PIK3C3: variants seen among roughly 807,000 people sequenced by gnomAD.
PIK3C3 encodes the protein PI3-kinase type 3.
PIK3C3 carries 95 observed loss-of-function variants against 126.1 expected under a neutral mutation model. The ratio of observed to expected loss-of-function variants is 0.75; its 90% CI spans 0.64 to 0.89. The LOEUF (loss-of-function observed/expected upper bound fraction) is 0.89. Among genes scored for constraint, PIK3C3 ranks in the 40% least tolerant of loss-of-function variants. PIK3C3 has a pLI of 0.00. For missense variants in PIK3C3, 829 were observed against 1,063.2 expected (o/e 0.78, Z 3.06); for synonymous variants, 374 against 360.0 (o/e 1.04, Z -0.44).
chr18:42,014,316 C>T (rs1052851298), intron 11 of PIK3C3, among the ~76,000 whole-genome samples: 2 of 151,226 alleles, frequency 1.3e-5, no homozygotes, highest in African/African-American at 4.9e-5. Flanking sequence ...ACTGTTTACA[C>T]CTCTTTAGTA....
chr18:42,083,559 T>C lies in PIK3C3; in HGVS notation c.*2422T>C, dbSNP rs1986323259. The C allele has an allele frequency of 6.6e-6, 1 of 152,162 alleles. No individual in the cohort carries two copies. Among genetic ancestry groups the C allele is most frequent in the South Asian group, 2.1e-4 (1 of 4,836 alleles). 9.4% of individuals were successfully genotyped at this position (152,162 alleles called of 1,614,324 possible). Reference sequence around the variant, plus strand: ...GAGTTAGCAAAAATCATTCTCCATATGATAGTTTTAGATGTTCCCCAGCTC... The same window carrying C: ...GAGTTAGCAAAAATCATTCTCCATACGATAGTTTTAGATGTTCCCCAGCTC... On this transcript the variant is annotated 3_prime_UTR_variant, in exon 25 of 25. Transcript: ENST00000262039.
At chr18:41,978,114 A>G (rs1001170877) in intron 4 of PIK3C3, among the ~76,000 whole-genome samples, 5 of 152,040 alleles carry the variant, frequency 3.3e-5, no homozygotes, top group Admixed American at 1.3e-4. Context: ...GTGCACCACC[A>G]TGTTTGAATA....
chr18:41,977,286 G>A (rs952910149), intron 4 of PIK3C3, among the ~76,000 whole-genome samples: 8 of 152,144 alleles, frequency 5.3e-5, no homozygotes, highest in Non-Finnish European at 1.2e-4. Flanking sequence ...ATCATAGTCA[G>A]TGCAACCTCA....
intron 16 of PIK3C3, among the ~76,000 whole-genome samples, chr18:42,034,738 A>G (rs1983972955): frequency 1.3e-5 from 2 of 152,200 alleles, no homozygotes; most frequent in South Asian, 2.1e-4. Flanking sequence ...TTTGTGAGAC[A>G]TGGTGCTTTA....
chr18:42,025,051 A>G (rs1299867922), intron 13 of PIK3C3, among the ~76,000 whole-genome samples: 1 of 151,818 alleles, frequency 6.6e-6, no homozygotes, highest in Non-Finnish European at 1.5e-5. Flanking sequence ...TGACCTCATG[A>G]TCCGCCCACC....
intron 6 of PIK3C3, among the ~76,000 whole-genome samples, chr18:41,992,830 A>G (rs1981843637): frequency 6.6e-6 from 1 of 152,150 alleles, no homozygotes; most frequent in Non-Finnish European, 1.5e-5. Context: ...GATCTCCATT[A>G]TGATACCTTG....
chr18:42,013,386 C>A, intron 10 of PIK3C3, 56 bp from the exon 11 acceptor site: 1 of 961,646 alleles, frequency 1.0e-6, no homozygotes, highest in South Asian at 1.7e-5. Context: ...TAAATTATGT[C>A]TGTAATAATT....
At chr18:42,032,054 A>G (rs1302252071) in intron 15 of PIK3C3, among the ~76,000 whole-genome samples, 1 of 152,260 alleles carries the variant, frequency 6.6e-6, no homozygotes, top group Non-Finnish European at 1.5e-5. Context: ...GTCCAGTAGT[A>G]AGGCAGTGTT....
chr18:42,027,415 C>T (rs1983619577), intron 13 of PIK3C3, 28 bp from the exon 14 acceptor site: 2 of 1,318,636 alleles, frequency 1.5e-6, no homozygotes, highest in East Asian at 4.8e-5. Context: ...CATTTCACAT[C>T]ACATGAATGG....
chr18:42,027,843 C>T lies in PIK3C3; in HGVS notation c.1590+295C>T, dbSNP rs181126255. On this transcript the variant is annotated intron_variant, in intron 14 of 24. Transcript: ENST00000262039. ...CTAATTTTTGTATTTTTAGTAGAGA[C>T]GGGGTTTTGCCATGTTGGGCCAGGC... Among the ~76,000 whole-genome samples, 50 of 151,862 alleles carry T rather than the reference C, an allele frequency of 3.3e-4. No homozygotes were observed. The East Asian group carries it at 4.6e-3, about 14-fold the overall frequency.
intron 4 of PIK3C3, among the ~76,000 whole-genome samples, chr18:41,973,992 A>G (rs1307870071): frequency 3.3e-5 from 5 of 152,174 alleles, no homozygotes; most frequent in Non-Finnish European, 7.4e-5. Context: ...ATATACATAA[A>G]TCTTAATAAT....
intron 14 of PIK3C3, among the ~76,000 whole-genome samples, chr18:42,028,135 C>T (rs1649348968): frequency 6.6e-6 from 1 of 152,150 alleles, no homozygotes; most frequent in Non-Finnish European, 1.5e-5. Flanking sequence ...ATGAAAACTG[C>T]ATGGCCAAGA....
chr18:41,979,654 C>T (rs1450397898), intron 4 of PIK3C3, among the ~76,000 whole-genome samples: 1 of 151,902 alleles, frequency 6.6e-6, no homozygotes, highest in Non-Finnish European at 1.5e-5. Flanking sequence ...TTTTATTTTA[C>T]GCTTTTAAGA....
At position 42,067,391 on chromosome 18, in the gene PIK3C3, C is replaced by G; in HGVS notation, c.2527C>G (p.Gln843Glu). The G allele has an allele frequency of 6.2e-7, 1 of 1,613,894 alleles. No homozygotes were observed. The highest frequency in any genetic ancestry group is 8.5e-7 in the Non-Finnish European group (1 of 1,179,816). ...GACTAAGAGTGTTATCTTATAGGTT[C>G]AGGATAAATTCCGCTTAGACCTGTC... ...LEPDKTVKKV[Q>E]DKFRLDLSDE... Residue 843 changes from glutamine to glutamate, a missense_variant, in exon 24 of 25, where the codon CAG (glutamine) becomes GAG (glutamate). Gln to Glu is a conservative substitution (Grantham distance 29, BLOSUM62 2). Coordinates refer to ENST00000262039, the MANE Select transcript of PIK3C3 (RefSeq NM_002647.4).
In PIK3C3 at chr18:41,957,861, C is replaced by T. The variant is rs1385767306; in HGVS notation, c.257+103C>T. On this transcript the variant is annotated intron_variant, in intron 2 of 24. Transcript: ENST00000262039. ...AGGATTATAGAGGAATTTCTTAATA[C>T]CTATAGGCATTGATCAAATCATTTG... 3.7e-6 allele frequency: 3 copies of T among 804,326 alleles called. No individual in the cohort carries two copies. In the African/African-American group the frequency reaches 5.2e-5, roughly 14 times the overall value. The allele number at this position is 804,326 out of a possible 1,614,324, so 49.8% of individuals were successfully genotyped here. A position where few individuals can be genotyped will look rare whatever the true frequency, so the allele number is the denominator to read the frequency against.
intron 9 of PIK3C3, among the ~76,000 whole-genome samples, chr18:41,997,551 C>G (rs965986809): frequency 1.3e-5 from 2 of 152,112 alleles, no homozygotes; most frequent in African/African-American, 4.8e-5. Context: ...TGATTGTGAA[C>G]TTTGTCTCCT....
chr18:42,072,947 C>A (rs1360511070), intron 24 of PIK3C3, among the ~76,000 whole-genome samples: 1 of 152,120 alleles, frequency 6.6e-6, no homozygotes, highest in African/African-American at 2.4e-5. Context: ...TGATCTCTTA[C>A]ACTGCAGTCC....
chr18:42,006,860 CTTTTTTT>C (rs71265065), intron 10 of PIK3C3, among the ~76,000 whole-genome samples: 4 of 102,296 alleles, frequency 3.9e-5, no homozygotes, highest in East Asian at 2.9e-4. Context: ...AAATCATATT[CTTTTTTT>C]TTTTTTTTTT....
At chr18:42,029,263 T>G (rs1983710389) in intron 14 of PIK3C3, 62 bp from the exon 15 acceptor site, 1 of 960,298 alleles carries the variant, frequency 1.0e-6, no homozygotes. Context: ...ATCCATGCTG[T>G]TAAAGAAATC....
Sources: gnomAD v4.1 joint callset for allele counts (sites outside exome capture counted in the v4.1 genomes callset) on GRCh38, gnomAD v4.1.1 for gene constraint, MANE v1.5 for transcripts, NCBI Gene and HGNC (gene_info 2026-07-23, HGNC 2026-07-21) for gene names.